TNR: variants seen among roughly 807,000 people sequenced by gnomAD.
TNR encodes the protein tenascin R.
Under a neutral mutation model 150.4 loss-of-function variants are expected in TNR, and 45 were observed. The ratio of observed to expected loss-of-function variants is 0.30; its 90% confidence interval spans 0.24 to 0.38. TNR has a LOEUF of 0.38. Among genes scored for constraint, TNR ranks in the 10% least tolerant of loss-of-function variants. The pLI, the probability that TNR is intolerant of heterozygous loss-of-function variation, is 1.00. For synonymous variants in TNR, 687 were observed against 678.4 expected, an observed-to-expected ratio of 1.01 and a Z score of -0.20; for missense variants, 1,544 against 1,759.1, an observed-to-expected ratio of 0.88 and a Z score of 2.19.
At chr1:175,343,246 C>T (rs942817744) in intron 18 of TNR, among the ~76,000 whole-genome samples, 5 of 152,174 alleles carry the variant, frequency 3.3e-5, no homozygotes, top group African/African-American at 9.7e-5. Flanking sequence ...GCACTCCTCC[C>T]CACTTTCACT....
chr1:175,604,479 G>A (rs1056386060), intron 1 of TNR, among the ~76,000 whole-genome samples: 1 of 152,188 alleles, frequency 6.6e-6, no homozygotes, highest in African/African-American at 2.4e-5. Context: ...GCCAAGGAAG[G>A]TCACCCAAGG....
chr1:175,316,885 A>T lies in TNR; in HGVS notation c.*6472T>A, dbSNP rs936393207. The stretch of plus-strand genomic sequence containing the variant: ...AATGCAAGAATTTCCTTTTCTTAAA[A>T]GTCAGAAGAAGTGGCATCAAAGCCC... On this transcript the variant is annotated 3_prime_UTR_variant, in exon 23 of 23. Transcript: ENST00000367674. The T allele has an allele frequency of 6.6e-6, 1 of 152,236 alleles. No individual in the cohort carries two copies. Among genetic ancestry groups the T allele is most frequent in the Non-Finnish European group, 1.5e-5 (1 of 68,034 alleles). The allele number at this position is 152,236 out of a possible 1,614,324, so 9.4% of individuals were successfully genotyped here.
At chr1:175,726,104 T>C (rs1276960264) in intron 1 of TNR, among the ~76,000 whole-genome samples, 2 of 152,138 alleles carry the variant, frequency 1.3e-5, no homozygotes, top group Non-Finnish European at 2.9e-5. Context: ...ACTTAAATGA[T>C]AGTAAATATG....
chr1:175,402,510 T>C (rs1466685293), intron 4 of TNR, among the ~76,000 whole-genome samples: 1 of 152,190 alleles, frequency 6.6e-6, no homozygotes, highest in African/African-American at 2.4e-5. Context: ...CTTAATATTC[T>C]GTACTAATTG....
intron 1 of TNR, among the ~76,000 whole-genome samples, chr1:175,721,753 T>A (rs1251597833): frequency 1.3e-5 from 2 of 152,024 alleles, no homozygotes; most frequent in Non-Finnish European, 2.9e-5. Context: ...TCAAATCAAC[T>A]GGAGTGAAGA....
At chr1:175,376,810 C>G (rs1324840683) in intron 9 of TNR, among the ~76,000 whole-genome samples, 1 of 150,960 alleles carries the variant, frequency 6.6e-6, no homozygotes, top group Non-Finnish European at 1.5e-5. Flanking sequence ...CATAAATCTC[C>G]TCAGCAGTGA....
At chr1:175,356,112 G>C (rs1199325407) in intron 16 of TNR, among the ~76,000 whole-genome samples, 1 of 152,116 alleles carries the variant, frequency 6.6e-6, no homozygotes, top group Non-Finnish European at 1.5e-5. Context: ...CTGTCACCCA[G>C]GGTGAGAGCA....
At chr1:175,514,245 A>T (rs1659313121) in intron 2 of TNR, among the ~76,000 whole-genome samples, 1 of 152,228 alleles carries the variant, frequency 6.6e-6, no homozygotes. Flanking sequence ...GAGTGATGCT[A>T]TGTGAGAACT....
intron 1 of TNR, among the ~76,000 whole-genome samples, chr1:175,543,679 A>C (rs1660583087): frequency 6.6e-6 from 1 of 152,180 alleles, no homozygotes; most frequent in Admixed American, 6.5e-5. Flanking sequence ...GGAAACTCGT[A>C]ATTTATATAA....
intron 2 of TNR, among the ~76,000 whole-genome samples, chr1:175,427,668 TCCTTCCTTC>T (rs1557927647): frequency 1.1e-5 from 1 of 87,940 alleles, no homozygotes; most frequent in Non-Finnish European, 2.4e-5. Context: ...TTTCCTTCCT[TCCTTCCTTC>T]CTTCCTTCCT....
intron 2 of TNR, among the ~76,000 whole-genome samples, chr1:175,441,656 G>C (rs949780569): frequency 6.6e-6 from 1 of 152,098 alleles, no homozygotes; most frequent in East Asian, 1.9e-4. Context: ...TTGTGGGTGG[G>C]GGGTCTAGGT....
intron 2 of TNR, among the ~76,000 whole-genome samples, chr1:175,413,063 T>C (rs904277849): frequency 6.6e-6 from 1 of 152,182 alleles, no homozygotes; most frequent in African/African-American, 2.4e-5. Context: ...TCTCACTCTG[T>C]CAGCCAGGCT....
chr1:175,530,087 A>G (rs941300945), intron 1 of TNR, among the ~76,000 whole-genome samples: 3 of 152,262 alleles, frequency 2.0e-5, no homozygotes, highest in Non-Finnish European at 4.4e-5. Context: ...ATAAAAATGT[A>G]TGCAGAAGAC....
Position 175,426,925 on chromosome 1 carries a change from A to ATATATATAAAATATATTATATATATAT in TNR, c.-63-20175_-63-20149dup, listed in dbSNP as rs1557927212. Among the ~76,000 whole-genome samples, 70 of 86,690 alleles carry ATATATATAAAATATATTATATATATAT rather than the reference A, an allele frequency of 8.1e-4. 2 individuals carry two copies. Among genetic ancestry groups the ATATATATAAAATATATTATATATATAT allele is most frequent in the Admixed American group, 1.2e-3 (10 of 8,188 alleles). 56.9% of individuals were successfully genotyped at this position (86,690 alleles called of 152,430 possible). Reference sequence around the variant, plus strand: ...AATATATTATATATATAAAATATAAATATATATAAAATATATTATATATAT... The same window carrying ATATATATAAAATATATTATATATATAT: ...AATATATTATATATATAAAATATAAATATATATAAAATATATTATATATATATTATATATAAAATATATTATATATAT... On this transcript the variant is annotated intron_variant, in intron 2 of 22. Transcript: ENST00000367674.
chr1:175,526,685 A>C (rs532426436), intron 2 of TNR, among the ~76,000 whole-genome samples: 1 of 152,372 alleles, frequency 6.6e-6, no homozygotes, highest in South Asian at 2.1e-4. Flanking sequence ...CAGCTTTTAA[A>C]ATAAGCTGCT....
intron 1 of TNR, among the ~76,000 whole-genome samples, chr1:175,549,384 G>A (rs1437517024): frequency 3.3e-5 from 5 of 152,194 alleles, no homozygotes; most frequent in African/African-American, 4.8e-5. Context: ...AATCAAACAC[G>A]GTGGATTAGA....
chr1:175,412,498 G>A (rs1654257013), intron 2 of TNR, among the ~76,000 whole-genome samples: 1 of 152,092 alleles, frequency 6.6e-6, no homozygotes, highest in Non-Finnish European at 1.5e-5. Flanking sequence ...TTGTAACCCA[G>A]TAAACCTTGA....
intron 18 of TNR, among the ~76,000 whole-genome samples, chr1:175,346,998 T>C (rs12065335): frequency 0.034 from 5,122 of 151,820 alleles, 240 homozygotes; most frequent in African/African-American, 0.1. Context: ...CAAAACCCAA[T>C]AAAGAGGTAT....
intron 1 of TNR, among the ~76,000 whole-genome samples, chr1:175,742,020 G>A (rs572286906): frequency 1.3e-5 from 2 of 152,296 alleles, no homozygotes; most frequent in Admixed American, 6.5e-5. Flanking sequence ...GCTCCACGGA[G>A]ACTTGAATGA....
Sources: gnomAD v4.1 joint callset for allele counts (sites outside exome capture counted in the v4.1 genomes callset) on GRCh38, gnomAD v4.1.1 for gene constraint, MANE v1.5 for transcripts, NCBI Gene and HGNC (gene_info 2026-07-23, HGNC 2026-07-21) for gene names.